The following PKD1 variants were observed in gnomAD, a reference collection of about 807,000 sequenced individuals.
The protein encoded by PKD1 is polycystin-1.
Under a neutral mutation model 361.7 loss-of-function variants are expected in PKD1, and 81 were observed. That is an observed-to-expected ratio of 0.22 (90% CI 0.19 to 0.27). The LOEUF is 0.27. PKD1 is among the 10% of genes least tolerant of loss of function. The probability of loss-of-function intolerance (pLI) is 1.00; values close to 1 mark genes in which losing one functional copy is unlikely to be tolerated. For missense variants in PKD1, 6,399 were observed against 6,118.3 expected (o/e 1.05, Z -1.53); for synonymous variants, 3,615 against 2,818.3 (o/e 1.28, Z -8.95).
At chr16:2,114,103 C>A in intron 11 of PKD1, 67 bp downstream of exon 11, 1 of 1,328,166 alleles carries the variant, frequency 7.5e-7, no homozygotes, top group Non-Finnish European at 1.1e-6. Flanking sequence ...GGCCTCACGC[C>A]CTGTGTGAGC....
rs768859829 is a variant in PKD1 at position 2,094,227 on chromosome 16, G to C, written c.10500-17C>G. ...GTGCTGGACCTGAGGGACATGGTAG[G>C]CTGTGAATTCATCCCGGCCTCCAGG... On this transcript the variant is annotated splice_polypyrimidine_tract_variant and intron_variant, in intron 34 of 45. Coordinates refer to ENST00000262304, the MANE Select transcript of PKD1 (RefSeq NM_001009944.3). 2 of 1,479,272 alleles carry C rather than the reference G, an allele frequency of 1.4e-6. No individual in the cohort carries two copies. The highest frequency in any genetic ancestry group is 2.3e-5 in the South Asian group (2 of 87,698). 91.6% of individuals were successfully genotyped at this position (1,479,272 alleles called of 1,614,324 possible).
chr16:2,091,984 G>A, intron 40 of PKD1, 63 bp downstream of exon 40: 1 of 1,612,186 alleles, frequency 6.2e-7, no homozygotes, highest in South Asian at 1.1e-5. Context: ...GGAGGCCGCG[G>A]CACTCCTGGA....
intron 34 of PKD1, 47 bp from the exon 35 acceptor site, chr16:2,094,257 A>G: frequency 8.4e-7 from 1 of 1,195,610 alleles, no homozygotes; most frequent in Admixed American, 1.7e-5. Context: ...TCCAGGAGGC[A>G]GTTGCAGCCA....
chr16:2,090,112 G>A lies in PKD1; in HGVS notation c.12527C>T (p.Pro4176Leu), dbSNP rs750304600. Reference sequence around the variant, plus strand: ...GGCATCGGAGCCAGCGCTGGGTGGGGGCACATCCGGGGATACCTTGGAGCC... The same window carrying A: ...GGCATCGGAGCCAGCGCTGGGTGGGAGCACATCCGGGGATACCTTGGAGCC... ...SRGSKVSPDV[P>L]PPSAGSDASH... The change falls in exon 46 of 46, where the codon CCC becomes CTC. Residue 4176 changes from proline (P) to leucine (L), a missense_variant. Pro to Leu is a moderately conservative substitution (Grantham distance 98). Coordinates refer to ENST00000262304, the MANE Select transcript of PKD1 (RefSeq NM_001009944.3). 10 of 1,602,382 alleles carry A rather than the reference G, an allele frequency of 6.2e-6. No individual in the cohort carries two copies. The South Asian group carries it at 6.6e-5, about 11-fold the overall frequency.
rs769183277 is a variant in PKD1 at position 2,102,594 on chromosome 16, G to A, written c.8988C>T (p.Ser2996=). The change falls in exon 25 of 46, where the codon TCC becomes TCT. Residue 2996 remains serine, a synonymous_variant. Coordinates refer to ENST00000262304, the MANE Select transcript of PKD1 (RefSeq NM_001009944.3). ...DPAGSYHLNL[S]SHFRWSALQV... ...GCAGCGCCGACCAGCGGAAGTGGCT[G>A]GAGAGGTTCAGATGGTAACTCCCCG... 1.9e-6 allele frequency: 3 copies of A among 1,611,258 alleles called. No individual in the cohort carries two copies. The highest frequency in any genetic ancestry group is 2.2e-5 in the South Asian group (2 of 91,014).
chr16:2,092,911 A>C (rs762542761), intron 38 of PKD1, 43 bp downstream of exon 38: 1 of 1,611,844 alleles, frequency 6.2e-7, no homozygotes, highest in Non-Finnish European at 8.5e-7. Flanking sequence ...CTAAAGGCAA[A>C]ACTAAAGCCC....
At position 2,110,260 on chromosome 16, in the gene PKD1, T is replaced by C. The variant is rs1444575576; in HGVS notation, c.4907A>G (p.Gln1636Arg). 9.3e-6 allele frequency: 15 copies of C among 1,612,352 alleles called. No homozygotes were observed. The highest frequency in any genetic ancestry group is 2.2e-5 in the South Asian group (2 of 91,074). ...VYVLQLIEGL[Q>R]VVGGGRYFPT... ...GAAGTAGCGGCCACCGCCCACCACC[T>C]GCAGCCCCTCTATGAGCTGCAGGAC... Residue 1636 changes from glutamine to arginine, a missense_variant, in exon 15 of 46, where the codon CAG becomes CGG. By Grantham distance (43) the Gln-to-Arg change is conservative. Transcript: ENST00000262304.
intron 6 of PKD1, 47 bp from the exon 7 acceptor site, chr16:2,117,100 C>T (rs1567215830): frequency 1.2e-6 from 1 of 820,918 alleles, no homozygotes; most frequent in East Asian, 2.6e-5. Context: ...ACTCCTCCAT[C>T]CTCCCACCCT....
chr16:2,102,349 G>A (rs900489758), intron 25 of PKD1, 32 bp downstream of exon 25: 15 of 1,548,962 alleles, frequency 9.7e-6, no homozygotes, highest in Middle Eastern at 2.3e-4. Context: ...CCTCGACTCT[G>A]CAGAGGCTCC....
chr16:2,119,825 C>T (rs1299261822), intron 1 of PKD1: 2 of 695,070 alleles, frequency 2.9e-6, no homozygotes, highest in Non-Finnish European at 2.6e-6. Flanking sequence ...GGGACCACAA[C>T]CAGGTATGAC....
At chr16:2,135,440 G>A in intron 1 of PKD1, 35 bp downstream of exon 1, 1 of 1,159,714 alleles carries the variant, frequency 8.6e-7, no homozygotes, top group Non-Finnish European at 1.1e-6. Flanking sequence ...CCCGTCCCGC[G>A]GCCTCTCCCG....
rs1014237110 is a variant in PKD1, at chr16:2,089,814, G to A, written c.12825C>T (p.Ala4275=). ...GLRPALPSRL[A]RASRGVDLAT... is the part of the protein sequence containing the mutation. ...CCAGGTCCACACCCCGACTGGCCCG[G>A]GCAAGGCGGCTGGGCAGTGCTGGCC... Residue 4275 remains alanine (A), a synonymous_variant, in exon 46 of 46, where the codon GCC becomes GCT. Coordinates refer to ENST00000262304, the MANE Select transcript of PKD1 (RefSeq NM_001009944.3). The A allele has an allele frequency of 3.7e-6, 6 of 1,601,244 alleles. No individual in the cohort carries two copies. The highest frequency in any genetic ancestry group is 2.2e-5 in the East Asian group (1 of 44,472).
intron 15 of PKD1, 25 bp downstream of exon 15, chr16:2,108,227 G>T: frequency 1.9e-6 from 3 of 1,584,964 alleles, no homozygotes; most frequent in Non-Finnish European, 2.6e-6. Flanking sequence ...GAGGGGCATG[G>T]AGGACGGCCC....
At chr16:2,099,166 T>G in intron 30 of PKD1, 1 of 334,744 alleles carries the variant, frequency 3.0e-6, no homozygotes, top group South Asian at 2.4e-5. Context: ...GGTCTTGCTA[T>G]GTTGCCCAGG....
In PKD1 at chr16:2,097,769, A is replaced by C. The variant is rs766334589; in HGVS notation, c.10179T>G (p.Val3393=). Residue 3393 remains valine (V), a synonymous_variant, in exon 32 of 46, where the codon GTT becomes GTG. Coordinates refer to ENST00000262304, the MANE Select transcript of PKD1 (RefSeq NM_001009944.3). ...FSGLHAEQAF[V]GQMKSDLFLD... The stretch of plus-strand genomic sequence containing the variant: ...GAAACAAGTCACTCTTCATCTGTCC[A>C]ACAAAGGCCTGCTGAGAGGTGCACA... The C allele has an allele frequency of 6.2e-7, 1 of 1,611,400 alleles. No homozygotes were observed. Among genetic ancestry groups the C allele is most frequent in the Non-Finnish European group, 8.5e-7 (1 of 1,179,870 alleles).
rs2092651964 is a variant in PKD1 at position 2,117,204 on chromosome 16, C to A, written c.1386-151G>T. ...GGAGACCAGGGCCCACCAGCCCAGG[C>A]TCACAGCAGCACCCACCCACGGGGC... On this transcript the variant is annotated intron_variant, in intron 6 of 45. Transcript: ENST00000262304. The A allele has an allele frequency of 1.5e-4, 93 of 632,978 alleles. 2 individuals are homozygous for A. In the South Asian group the frequency reaches 1.8e-3, roughly 12 times the overall value. The allele number at this position is 632,978 out of a possible 1,614,324, so 39.2% of individuals were successfully genotyped here.
chr16:2,104,989 AGGGCTAGGGGAGGGGAGGAGGGGAG>A (rs1159351987), intron 21 of PKD1, among the ~76,000 whole-genome samples: 1 of 78,806 alleles, frequency 1.3e-5, no homozygotes, highest in Admixed American at 1.1e-4. Context: ...GAGGAGGGGA[AGGGCTAGGGGAGGGGAGGAGGGGAG>A]GGGCTAGGGG....
At chr16:2,102,791 C>A in intron 24 of PKD1, 23 bp downstream of exon 24, 2 of 1,609,786 alleles carry the variant, frequency 1.2e-6, no homozygotes, top group Middle Eastern at 2.3e-4. Flanking sequence ...CCCTGCCCTG[C>A]CAGGCTGGCC....
At chr16:2,116,420 G>A (rs1367948217) in intron 8 of PKD1, 109 bp downstream of exon 8, 2 of 656,952 alleles carry the variant, frequency 3.0e-6, no homozygotes, top group Admixed American at 4.6e-5. Context: ...CTGGGCACAA[G>A]CAACATTAAG....
Sources: gnomAD v4.1 joint callset for allele counts (sites outside exome capture counted in the v4.1 genomes callset) on GRCh38, gnomAD v4.1.1 for gene constraint, MANE v1.5 for transcripts, NCBI Gene and HGNC (gene_info 2026-07-23, HGNC 2026-07-21) for gene names.